TCF4: variants seen among roughly 807,000 people sequenced by gnomAD.
TCF4 encodes transcription factor 4.
A neutral mutation model predicts 82.1 loss-of-function variants in TCF4; 3 were observed. The observed-to-expected ratio is 0.04, with a 90% CI of 0.02 to 0.09. TCF4 has a LOEUF of 0.09. Ranked by LOEUF, TCF4 falls within the 10% of genes least tolerant of loss-of-function variation. TCF4 has a pLI of 1.00. For synonymous variants in TCF4, 276 were observed against 309.6 expected, an observed-to-expected ratio of 0.89 and a Z score of 1.14; for missense variants, 518 against 852.7, an observed-to-expected ratio of 0.61 and a Z score of 4.89.
At chr18:55,268,672 A>G (rs754920600) in intron 11 of TCF4, 5 of 152,136 alleles carry the variant, frequency 3.3e-5, no homozygotes, top group Admixed American at 2.0e-4. Flanking sequence ...CAACATTTCA[A>G]AACACATCTC....
chr18:55,605,039 G>C (rs908298647), intron 2 of TCF4, among the ~76,000 whole-genome samples: 1 of 152,156 alleles, frequency 6.6e-6, no homozygotes, highest in East Asian at 1.9e-4. Context: ...CACCTCACTG[G>C]GGTCCTGTTG....
intron 6 of TCF4, among the ~76,000 whole-genome samples, chr18:55,364,531 C>T (rs2086318076): frequency 6.6e-6 from 1 of 152,070 alleles, no homozygotes; most frequent in African/African-American, 2.4e-5. Flanking sequence ...AAAATATAAC[C>T]TGAGTAACTT....
chr18:55,547,768 T>C (rs1234653098), intron 3 of TCF4, among the ~76,000 whole-genome samples: 1 of 152,232 alleles, frequency 6.6e-6, no homozygotes, highest in Admixed American at 6.5e-5. Flanking sequence ...AAATGCTCGC[T>C]TTGTGACCTG....
intron 1 of TCF4, among the ~76,000 whole-genome samples, chr18:55,632,979 G>A (rs1311008923): frequency 1.3e-5 from 2 of 152,188 alleles, no homozygotes; most frequent in Admixed American, 6.5e-5. Flanking sequence ...AGAGGTCCAG[G>A]CTGTGGTTGT....
At chr18:55,569,582 T>C (rs2097442194) in intron 3 of TCF4, among the ~76,000 whole-genome samples, 1 of 151,692 alleles carries the variant, frequency 6.6e-6, no homozygotes, top group South Asian at 2.1e-4. Flanking sequence ...AAAAAAGACT[T>C]TCTATATACA....
chr18:55,266,358 T>C (rs1364596895), intron 11 of TCF4: 6 of 152,234 alleles, frequency 3.9e-5, no homozygotes, highest in South Asian at 2.1e-4. Context: ...TGGCATAACA[T>C]TGAAAAAGTT....
intron 2 of TCF4, among the ~76,000 whole-genome samples, chr18:55,627,376 G>T (rs1220415006): frequency 1.3e-5 from 2 of 152,046 alleles, no homozygotes; most frequent in African/African-American, 4.8e-5. Flanking sequence ...ATACATACAT[G>T]AAAAAAAGTC....
chr18:55,379,911 T>C (rs1041556000), intron 6 of TCF4, among the ~76,000 whole-genome samples: 10 of 152,128 alleles, frequency 6.6e-5, no homozygotes, highest in African/African-American at 2.4e-4. Context: ...TCTCAGTCTA[T>C]TGCCCAGGCT....
intron 2 of TCF4, chr18:55,631,225 T>C: frequency 1.6e-6 from 1 of 641,408 alleles, no homozygotes; most frequent in Non-Finnish European, 2.6e-6. Context: ...AATTTCTGTG[T>C]TTTTAGTAGA....
intron 5 of TCF4, among the ~76,000 whole-genome samples, chr18:55,426,165 G>A (rs2094974769): frequency 6.7e-6 from 1 of 150,102 alleles, no homozygotes. Context: ...TTTATTGGTA[G>A]GCTACCTAAA....
At chr18:55,316,486 T>C (rs2074169684) in intron 8 of TCF4, among the ~76,000 whole-genome samples, 1 of 151,992 alleles carries the variant, frequency 6.6e-6, no homozygotes, top group Admixed American at 6.6e-5. Flanking sequence ...AACACACACA[T>C]ACAAAATTCA....
intron 6 of TCF4, among the ~76,000 whole-genome samples, chr18:55,395,432 C>T (rs2093429983): frequency 6.6e-6 from 1 of 152,174 alleles, no homozygotes; most frequent in Admixed American, 6.5e-5. Context: ...GGTGAAATTT[C>T]AATTTGGATA....
intron 15 of TCF4, among the ~76,000 whole-genome samples, chr18:55,250,275 G>T (rs2054606912): frequency 6.6e-6 from 1 of 152,152 alleles, no homozygotes; most frequent in Non-Finnish European, 1.5e-5. Flanking sequence ...TAGATAATGT[G>T]GGTTTTAATC....
intron 6 of TCF4, among the ~76,000 whole-genome samples, chr18:55,380,919 G>A (rs563924353): frequency 3.4e-4 from 52 of 152,132 alleles, no homozygotes; most frequent in South Asian, 6.2e-4. Context: ...ATATTAACCC[G>A]TTTCCTGTGT....
At chr18:55,605,753 C>T (rs1015254081) in intron 2 of TCF4, among the ~76,000 whole-genome samples, 1 of 152,216 alleles carries the variant, frequency 6.6e-6, no homozygotes, top group African/African-American at 2.4e-5. Flanking sequence ...CCTGATGAGG[C>T]AGATATTAGT....
chr18:55,265,631 A>AC (rs1242654286), intron 11 of TCF4: 5 of 152,182 alleles, frequency 3.3e-5, no homozygotes, highest in African/African-American at 1.2e-4. Context: ...TCATCGCCTG[A>AC]CTACTTCAAG....
chr18:55,486,637 C>A (rs985500607), intron 3 of TCF4, among the ~76,000 whole-genome samples: 2 of 152,078 alleles, frequency 1.3e-5, no homozygotes, highest in African/African-American at 2.4e-5. Flanking sequence ...AGAAGGAAAT[C>A]AAATATTGGA....
chr18:55,317,924 G>A (rs1369382276), intron 8 of TCF4, among the ~76,000 whole-genome samples: 1 of 151,912 alleles, frequency 6.6e-6, no homozygotes. Flanking sequence ...AACATAAAAA[G>A]CTCATTACCA....
At chr18:55,605,683 T>G (rs948646213) in intron 2 of TCF4, among the ~76,000 whole-genome samples, 4 of 152,252 alleles carry the variant, frequency 2.6e-5, no homozygotes, top group Non-Finnish European at 5.9e-5. Context: ...ATATGCATTT[T>G]TCATACACTT....
Sources: allele counts gnomAD v4.1 joint callset (sites outside exome capture counted in the v4.1 genomes callset), GRCh38; gene constraint gnomAD v4.1.1; transcripts MANE v1.5; gene names NCBI Gene and HGNC (gene_info 2026-07-23, HGNC 2026-07-21).